Variants in DGKB observed in about 807,000 individuals in gnomAD.
The protein encoded by DGKB is 90 kDa diacylglycerol kinase.
A neutral mutation model predicts 114.3 loss-of-function variants in DGKB; 67 were observed. The ratio of observed to expected loss-of-function variants is 0.59; its 90% CI spans 0.48 to 0.72. The LOEUF is 0.72. Among genes scored for constraint, DGKB ranks in the 30% least tolerant of loss-of-function variants. The pLI, the probability that DGKB is intolerant of heterozygous loss-of-function variation, is 0.00. For missense variants in DGKB, 907 were observed against 975.2 expected (o/e 0.93, Z 0.93); for synonymous variants, 398 against 323.1 (o/e 1.23, Z -2.49).
intron 25 of DGKB, among the ~76,000 whole-genome samples, chr7:14,150,937 A>C (rs1027800397): frequency 2.0e-5 from 3 of 152,096 alleles, no homozygotes; most frequent in Non-Finnish European, 2.9e-5. Flanking sequence ...TAGACAATAT[A>C]CAAGCTCTGC....
chr7:14,808,520 T>A, intron 2 of DGKB, among the ~76,000 whole-genome samples: 1 of 151,430 alleles, frequency 6.6e-6, no homozygotes. Context: ...CTGTAAAGAG[T>A]TTCAAGGATA....
chr7:14,172,843 A>G (rs1054652776), intron 25 of DGKB, among the ~76,000 whole-genome samples: 4 of 152,082 alleles, frequency 2.6e-5, no homozygotes, highest in Non-Finnish European at 4.4e-5. Context: ...CTACCACTCT[A>G]TTCCCTCTAC....
chr7:14,704,460 AAAAAG>A (rs1554610486), intron 6 of DGKB, among the ~76,000 whole-genome samples: 1 of 149,880 alleles, frequency 6.7e-6, no homozygotes, highest in African/African-American at 2.5e-5. Flanking sequence ...AAAAAAAAAA[AAAAAG>A]AAAAAAGAAA....
intron 23 of DGKB, among the ~76,000 whole-genome samples, chr7:14,232,539 A>G (rs1435225575): frequency 6.6e-6 from 1 of 151,846 alleles, no homozygotes; most frequent in Non-Finnish European, 1.5e-5. Flanking sequence ...GACCCTGGAG[A>G]CAAAAGCAAG....
chr7:14,885,514 G>C (rs958938299), intron 1 of DGKB, among the ~76,000 whole-genome samples: 2 of 151,834 alleles, frequency 1.3e-5, no homozygotes, highest in Non-Finnish European at 2.9e-5. Context: ...CAACTGCTAT[G>C]AGAGAAGAAG....
rs116883411 is a variant in DGKB at position 14,795,701 on chromosome 7, T to A, written c.71-37970A>T. On this transcript the variant is annotated intron_variant, in intron 2 of 25. Coordinates refer to ENST00000402815, the MANE Select transcript of DGKB (RefSeq NM_001350709.2). ...TACAAGGTAGAGCTGGTTACCTGGCTACTGTAATGGACAGTAGAGTTAAAG... is the reference window on the plus strand; with the variant it reads ...TACAAGGTAGAGCTGGTTACCTGGCAACTGTAATGGACAGTAGAGTTAAAG... 9.3e-3 allele frequency among the ~76,000 whole-genome samples: 1,414 copies of A among 152,230 alleles called. 28 individuals are homozygous for A. Among genetic ancestry groups the A allele is most frequent in the Middle Eastern group, 0.034 (10 of 294 alleles).
At chr7:14,955,411 C>G (rs930214846) in intron 1 of DGKB, among the ~76,000 whole-genome samples, 4 of 151,984 alleles carry the variant, frequency 2.6e-5, no homozygotes, top group Non-Finnish European at 5.9e-5. Flanking sequence ...TTTTCCTAAG[C>G]TATCTGAACT....
chr7:14,749,899 T>C (rs770911399), intron 4 of DGKB, among the ~76,000 whole-genome samples: 56 of 152,196 alleles, frequency 3.7e-4, no homozygotes, highest in Non-Finnish European at 7.9e-4. Context: ...AATGCACATA[T>C]GAGCAGACAG....
intron 20 of DGKB, among the ~76,000 whole-genome samples, chr7:14,495,728 A>G (rs1176796994): frequency 6.6e-6 from 1 of 151,756 alleles, no homozygotes; most frequent in East Asian, 1.9e-4. Context: ...TCTCTTTAAA[A>G]CTGGCATGGT....
intron 21 of DGKB, among the ~76,000 whole-genome samples, chr7:14,434,547 AG>A (rs1354125904): frequency 6.6e-6 from 1 of 152,124 alleles, no homozygotes; most frequent in East Asian, 1.9e-4. Flanking sequence ...AACATACAAA[AG>A]TAGCTCCTCC....
At chr7:14,431,237 G>A (rs759506433) in intron 21 of DGKB, among the ~76,000 whole-genome samples, 6 of 151,984 alleles carry the variant, frequency 3.9e-5, no homozygotes, top group South Asian at 2.1e-4. Flanking sequence ...TTACCTGACC[G>A]CTGAACCATC....
intron 25 of DGKB, among the ~76,000 whole-genome samples, chr7:14,163,835 A>G (rs1417362018): frequency 3.3e-5 from 5 of 152,130 alleles, no homozygotes; most frequent in Non-Finnish European, 7.4e-5. Flanking sequence ...TCTCTACTAA[A>G]AATACAAAGA....
At chr7:14,474,298 C>T (rs1781849890) in intron 21 of DGKB, among the ~76,000 whole-genome samples, 1 of 152,140 alleles carries the variant, frequency 6.6e-6, no homozygotes, top group Admixed American at 6.6e-5. Context: ...CTCTCTTTGC[C>T]TGCTGCCATC....
intron 23 of DGKB, among the ~76,000 whole-genome samples, chr7:14,291,613 T>TTCTC (rs60822212): frequency 0.067 from 10,131 of 152,130 alleles, 1,090 homozygotes; most frequent in African/African-American, 0.23. Flanking sequence ...CTTGAACTCT[T>TTCTC]TCTGACATTT....
intron 13 of DGKB, among the ~76,000 whole-genome samples, chr7:14,669,288 G>T (rs1818559833): frequency 6.6e-6 from 1 of 152,174 alleles, no homozygotes; most frequent in South Asian, 2.1e-4. Flanking sequence ...AAAGGCCAAA[G>T]ATTTTACAAC....
chr7:14,293,877 G>T (rs1351345428), intron 23 of DGKB, among the ~76,000 whole-genome samples: 1 of 152,116 alleles, frequency 6.6e-6, no homozygotes. Flanking sequence ...TGTACAGTCT[G>T]ATTTTCTTGC....
intron 1 of DGKB, among the ~76,000 whole-genome samples, chr7:14,931,681 G>A (rs1260910451): frequency 6.6e-6 from 1 of 152,100 alleles, no homozygotes; most frequent in Non-Finnish European, 1.5e-5. Flanking sequence ...TCCCAACATG[G>A]ATTCCTCTCA....
chr7:14,892,911 T>C (rs951069415), intron 1 of DGKB, among the ~76,000 whole-genome samples: 8 of 150,686 alleles, frequency 5.3e-5, no homozygotes, highest in African/African-American at 1.9e-4. Flanking sequence ...TATGTATATA[T>C]GTACGCATAT....
chr7:14,326,168 A>G (rs984390651), intron 23 of DGKB, among the ~76,000 whole-genome samples: 31 of 152,108 alleles, frequency 2.0e-4, no homozygotes, highest in African/African-American at 6.3e-4. Context: ...AGTAGCCTTC[A>G]ATGTCTATGT....
Sources: allele counts gnomAD v4.1 joint callset (sites outside exome capture counted in the v4.1 genomes callset), GRCh38; gene constraint gnomAD v4.1.1; transcripts MANE v1.5; gene names NCBI Gene and HGNC (gene_info 2026-07-23, HGNC 2026-07-21).